Variants in METTL15 observed in about 807,000 individuals in gnomAD.
METTL15 encodes the protein 12S rRNA N(4)-cytidine methyltransferase METTL15.
Under a neutral mutation model 38.3 loss-of-function variants are expected in METTL15, and 34 were observed. That is an observed-to-expected ratio of 0.89 (90% CI 0.68 to 1.18). The LOEUF is 1.18. METTL15 is among the 50% of genes most tolerant of loss of function. The probability of loss-of-function intolerance (pLI) is 0.00; values close to 1 mark genes in which losing one functional copy is unlikely to be tolerated. For synonymous variants in METTL15, 162 were observed against 170.9 expected, an observed-to-expected ratio of 0.95 and a Z score of 0.41; for missense variants, 438 against 498.4, an observed-to-expected ratio of 0.88 and a Z score of 1.15.
intron 4 of METTL15, among the ~76,000 whole-genome samples, chr11:28,221,498 G>T (rs1232336932): frequency 1.3e-5 from 2 of 151,960 alleles, no homozygotes; most frequent in Non-Finnish European, 2.9e-5. Context: ...TCTTTGCCAT[G>T]GGTTTGTACT....
intron 5 of METTL15, among the ~76,000 whole-genome samples, chr11:28,374,261 G>A (rs1458845606): frequency 2.6e-5 from 4 of 152,014 alleles, no homozygotes; most frequent in Admixed American, 6.6e-5. Flanking sequence ...TGGGCAGTAT[G>A]GCCATTTTCA....
chr11:28,439,577 C>T (rs1254119943), intron 6 of METTL15, among the ~76,000 whole-genome samples: 6 of 152,170 alleles, frequency 3.9e-5, no homozygotes, highest in African/African-American at 1.4e-4. Flanking sequence ...TGTCTTCCCT[C>T]ATTATCCCTG....
chr11:28,268,041 CA>C (rs1381078221), intron 4 of METTL15, among the ~76,000 whole-genome samples: 2 of 151,126 alleles, frequency 1.3e-5, no homozygotes, highest in East Asian at 3.9e-4. Flanking sequence ...ACTAAAAATA[CA>C]AAAAATTAGC....
At chr11:28,231,240 C>CA (rs1853673339) in intron 4 of METTL15, among the ~76,000 whole-genome samples, 1 of 151,534 alleles carries the variant, frequency 6.6e-6, no homozygotes, top group Admixed American at 6.6e-5. Context: ...TGTCAGGACC[C>CA]AAAAACATTA....
chr11:28,399,685 C>G (rs1850611802), intron 5 of METTL15, among the ~76,000 whole-genome samples: 1 of 151,800 alleles, frequency 6.6e-6, no homozygotes, highest in Non-Finnish European at 1.5e-5. Flanking sequence ...TATACAATTC[C>G]ACATATTAAG....
rs1241175760 is a variant in METTL15 at position 28,211,198 on chromosome 11, C to T, written c.407C>T (p.Pro136Leu). 4.4e-6 allele frequency: 7 copies of T among 1,606,460 alleles called. No homozygotes were observed. The highest frequency in any genetic ancestry group is 5.1e-6 in the Non-Finnish European group (6 of 1,176,968). ...GCTGAACATCTTTCAGAGTTGTATCCGTAAGTAATACCCTTGCATATTTAT... is the reference window on the plus strand; with the variant it reads ...GCTGAACATCTTTCAGAGTTGTATCTGTAAGTAATACCCTTGCATATTTAT... Reference protein sequence around the residue: ...ALAEHLSELYPKQIRAMLGQF... With the variant: ...ALAEHLSELYLKQIRAMLGQF... The change falls in exon 4 of 7, where the codon CCT becomes CTT. Residue 136 changes from proline (P) to leucine (L), a missense_variant and splice_region_variant. Pro to Leu is a moderately conservative substitution (Grantham distance 98). Transcript: ENST00000407364.
At chr11:28,253,855 T>A (rs779360709) in intron 4 of METTL15, among the ~76,000 whole-genome samples, 3 of 152,158 alleles carry the variant, frequency 2.0e-5, no homozygotes, top group Non-Finnish European at 4.4e-5. Context: ...TGTGTATAAG[T>A]ACCACATTTT....
At chr11:28,270,391 G>A (rs1340815547) in intron 4 of METTL15, among the ~76,000 whole-genome samples, 1 of 152,168 alleles carries the variant, frequency 6.6e-6, no homozygotes, top group African/African-American at 2.4e-5. Context: ...CCTTCGGCAT[G>A]TTATAACCTT....
intron 6 of METTL15, among the ~76,000 whole-genome samples, chr11:28,314,150 C>T (rs917273407): frequency 6.6e-6 from 1 of 152,174 alleles, no homozygotes; most frequent in Admixed American, 6.5e-5. Flanking sequence ...ATCTTTAATT[C>T]AGTCAGTCTG....
At chr11:28,146,126 T>G (rs539266683) in intron 3 of METTL15, among the ~76,000 whole-genome samples, 10 of 152,128 alleles carry the variant, frequency 6.6e-5, no homozygotes, top group Non-Finnish European at 1.2e-4. Flanking sequence ...TTCATTGTTT[T>G]GTTAACAAAT....
intron 3 of METTL15, among the ~76,000 whole-genome samples, chr11:28,185,441 G>A (rs984283497): frequency 6.6e-6 from 1 of 151,302 alleles, no homozygotes; most frequent in African/African-American, 2.4e-5. Flanking sequence ...TATTTGGATA[G>A]ATAATAAAAG....
intron 4 of METTL15, among the ~76,000 whole-genome samples, chr11:28,357,112 C>T (rs1850097202): frequency 6.6e-6 from 1 of 152,108 alleles, no homozygotes; most frequent in Non-Finnish European, 1.5e-5. Context: ...AGAACATTTG[C>T]TTTTTACTTT....
chr11:28,368,805 A>G (rs1360842589), intron 5 of METTL15, among the ~76,000 whole-genome samples: 1 of 152,194 alleles, frequency 6.6e-6, no homozygotes, highest in East Asian at 1.9e-4. Context: ...TGTATACACC[A>G]TGGAATACTA....
At chr11:28,528,600 C>T (rs1851827093), downstream of METTL15, among the ~76,000 whole-genome samples, 1 of 152,214 alleles carries the variant, frequency 6.6e-6, no homozygotes, top group African/African-American at 2.4e-5. Context: ...CAAAGCTTTA[C>T]AGTACCTGGC....
In METTL15 at chr11:28,370,940, T is replaced by C. The variant is rs138989421; in HGVS notation, c.*358+8904T>C. On this transcript the variant is annotated intron_variant and NMD_transcript_variant, in intron 5 of 7. Transcript: ENST00000532947. ...TTGAGTTGTTTGAGCTCCTTATGTA[T>C]TCTGGTTATTAATCCTTTGTCAATT... is the stretch of plus-strand genomic sequence containing the variant. Among the ~76,000 whole-genome samples, 32 of 152,188 alleles carry C rather than the reference T, an allele frequency of 2.1e-4. 1 individual carries two copies. Among genetic ancestry groups the C allele is most frequent in the Admixed American group, 1.2e-3 (19 of 15,272 alleles).
intron 6 of METTL15, among the ~76,000 whole-genome samples, chr11:28,304,658 G>A (rs182890151): frequency 4.0e-4 from 61 of 152,272 alleles, no homozygotes; most frequent in African/African-American, 1.5e-3. Flanking sequence ...GGAGATTACA[G>A]TGAGCTGAGA....
At chr11:28,322,307 C>T (rs1849497826) in intron 6 of METTL15, among the ~76,000 whole-genome samples, 1 of 152,038 alleles carries the variant, frequency 6.6e-6, no homozygotes, top group African/African-American at 2.4e-5. Context: ...ATAAATAGCT[C>T]TTCCAAATCA....
chr11:28,378,268 T>C (rs1850341960), intron 5 of METTL15, among the ~76,000 whole-genome samples: 1 of 152,346 alleles, frequency 6.6e-6, no homozygotes, highest in African/African-American at 2.4e-5. Context: ...ACTGCTGCCT[T>C]GCAGTTTGAT....
intron 4 of METTL15, chr11:28,287,269 GT>G: frequency 4.8e-6 from 1 of 210,112 alleles, no homozygotes; most frequent in South Asian, 5.7e-5. Context: ...CCCTCTGTGT[GT>G]TTTCTTCTTG....
Sources: gnomAD v4.1 joint callset for allele counts (sites outside exome capture counted in the v4.1 genomes callset) on GRCh38, gnomAD v4.1.1 for gene constraint, MANE v1.5 for transcripts, NCBI Gene and HGNC (gene_info 2026-07-23, HGNC 2026-07-21) for gene names.